The following SPTY2D1 variants were observed in gnomAD, a reference collection of about 807,000 sequenced individuals.
SPTY2D1 encodes the protein protein SPT2 homolog.
In SPTY2D1, 21 loss-of-function variants were observed where a neutral mutation model predicts 64.0. The observed-to-expected ratio is 0.33, with a 90% CI of 0.23 to 0.47. The LOEUF (loss-of-function observed/expected upper bound fraction) is 0.47, where lower values mean the gene tolerates loss of function less well. Among genes scored for constraint, SPTY2D1 ranks in the 20% least tolerant of loss-of-function variants. The probability of loss-of-function intolerance (pLI) is 1.00; values close to 1 mark genes in which losing one functional copy is unlikely to be tolerated. For missense variants in SPTY2D1, 724 were observed against 837.2 expected (o/e 0.86, Z 1.67); for synonymous variants, 287 against 286.8 (o/e 1.00, Z -0.01).
At chr11:18,628,628 T>C (rs1188098719) in intron 1 of SPTY2D1, among the ~76,000 whole-genome samples, 2 of 152,256 alleles carry the variant, frequency 1.3e-5, no homozygotes, top group Non-Finnish European at 2.9e-5. Flanking sequence ...TAGGATTATC[T>C]GTCTGCTTTG....
At chr11:18,621,323 C>CAGAAAAGAAAACAAAAGAAAAGAAA (rs1854392754) in intron 1 of SPTY2D1, among the ~76,000 whole-genome samples, 6 of 137,618 alleles carry the variant, frequency 4.4e-5, no homozygotes, top group Middle Eastern at 3.5e-3. Context: ...TCTCAAAAAA[C>CAGAAAAGAAAACAAAAGAAAAGAAA]AGAAAAGAAA....
intron 5 of SPTY2D1, 124 bp from the exon 6 acceptor site, chr11:18,610,078 G>T: frequency 2.7e-6 from 2 of 753,410 alleles, no homozygotes; most frequent in Non-Finnish European, 4.2e-6. Flanking sequence ...ATGCCTCAAG[G>T]CTTTACCACT....
chr11:18,618,882 T>C (rs1273166371), intron 1 of SPTY2D1, among the ~76,000 whole-genome samples: 1 of 152,168 alleles, frequency 6.6e-6, no homozygotes, highest in Non-Finnish European at 1.5e-5. Flanking sequence ...TCTTGCATGA[T>C]AGCAATGCTG....
chr11:18,606,915 C>T lies in SPTY2D1; in HGVS notation c.*2946G>A. 9.2e-6 allele frequency: 3 copies of T among 324,852 alleles called. No individual in the cohort carries two copies. Among genetic ancestry groups the T allele is most frequent in the South Asian group, 7.4e-5 (3 of 40,402 alleles). The allele number at this position is 324,852 out of a possible 1,614,324, so 20.1% of individuals were successfully genotyped here. A position where few individuals can be genotyped will look rare whatever the true frequency, so the allele number is the denominator to read the frequency against. ...TCGCTCTGTCACCCAGCCTGGAGTGCAGTGGTGCTATCTTGGCTGACTGCA... is the reference window on the plus strand; with the variant it reads ...TCGCTCTGTCACCCAGCCTGGAGTGTAGTGGTGCTATCTTGGCTGACTGCA... On this transcript the variant is annotated 3_prime_UTR_variant, in exon 6 of 6. Transcript: ENST00000336349.
At chr11:18,629,891 C>G (rs1854558286) in intron 1 of SPTY2D1, among the ~76,000 whole-genome samples, 1 of 152,216 alleles carries the variant, frequency 6.6e-6, no homozygotes, top group African/African-American at 2.4e-5. Flanking sequence ...TAAAGCTCTG[C>G]CGGGCACGGT....
At chr11:18,623,927 T>C (rs1854457073) in intron 1 of SPTY2D1, among the ~76,000 whole-genome samples, 1 of 152,248 alleles carries the variant, frequency 6.6e-6, no homozygotes, top group Non-Finnish European at 1.5e-5. Context: ...AGATATACCA[T>C]GCATTATTTT....
In SPTY2D1 at chr11:18,610,101, G is replaced by A. The variant is rs961674106; in HGVS notation, c.1965-147C>T. The A allele has an allele frequency of 1.5e-5, 9 of 586,618 alleles. 1 individual carries two copies. In the South Asian group the frequency reaches 2.4e-4, roughly 16 times the overall value. 36.3% of individuals were successfully genotyped at this position (586,618 alleles called of 1,614,324 possible). Reference sequence around the variant, plus strand: ...AGGCTTTACCACTGAAAACAAACTAGCAGGGATATTTTTTTACCAGGGGCC... The same window carrying A: ...AGGCTTTACCACTGAAAACAAACTAACAGGGATATTTTTTTACCAGGGGCC... On this transcript the variant is annotated intron_variant, in intron 5 of 5. Transcript: ENST00000336349.
chr11:18,618,863 A>T (rs1300312523), intron 1 of SPTY2D1, among the ~76,000 whole-genome samples: 1 of 152,196 alleles, frequency 6.6e-6, no homozygotes, highest in East Asian at 1.9e-4. Flanking sequence ...CTCTAATTCA[A>T]CCTGAAAATC....
chr11:18,620,835 C>T (rs1238726324), intron 1 of SPTY2D1, among the ~76,000 whole-genome samples: 1 of 143,668 alleles, frequency 7.0e-6, no homozygotes, highest in Non-Finnish European at 1.5e-5. Context: ...TGCAGTGAGC[C>T]GAGATCGCGC....
intron 1 of SPTY2D1, among the ~76,000 whole-genome samples, chr11:18,625,336 GTAAATT>G (rs1359769725): frequency 1.1e-4 from 16 of 152,132 alleles, no homozygotes; most frequent in Admixed American, 1.0e-3. Context: ...GGAGTTAAAT[GTAAATT>G]TTACTGTTAT....
chr11:18,612,260 T>C lies in SPTY2D1; in HGVS notation c.1886+54A>G. On this transcript the variant is annotated intron_variant, in intron 4 of 5. Coordinates refer to ENST00000336349, the MANE Select transcript of SPTY2D1 (RefSeq NM_194285.3). The surrounding 1 kb of genome is among the most constrained non-coding windows in gnomAD (Gnocchi z 4.6). ...TTAGTTTATTACCCCATGACATGAA[T>C]TATTCAAAATAAAAAAAGGATGTCA... 1 of 1,432,518 alleles carries C rather than the reference T, an allele frequency of 7.0e-7. No individual in the cohort carries two copies. The highest frequency in any genetic ancestry group is 9.4e-7 in the Non-Finnish European group (1 of 1,059,446). The allele number at this position is 1,432,518 out of a possible 1,614,324, so 88.7% of individuals were successfully genotyped here.
Position 18,609,298 on chromosome 11 carries a change from A to G in SPTY2D1, c.*563T>C, listed in dbSNP as rs1362648602. 2 of 153,050 alleles carry G rather than the reference A, an allele frequency of 1.3e-5. No homozygotes were observed. The highest frequency in any genetic ancestry group is 2.9e-5 in the Non-Finnish European group (2 of 68,404). The allele number at this position is 153,050 out of a possible 1,614,324, so 9.5% of individuals were successfully genotyped here. ...AATCCATGAATACAGAATTTATTCT[A>G]CTTTGTACTTCAAAGTCACAGGATG... On this transcript the variant is annotated 3_prime_UTR_variant, in exon 6 of 6. Transcript: ENST00000336349.
rs1225873971 is a variant in SPTY2D1, at chr11:18,614,949, G to A, written c.1325C>T (p.Ser442Leu). 6.2e-7 allele frequency: 1 copy of A among 1,613,950 alleles called. No individual in the cohort carries two copies. The highest frequency in any genetic ancestry group is 2.2e-5 in the East Asian group (1 of 44,888). Residue 442 changes from serine to leucine, a missense_variant, in exon 3 of 6, where the codon TCA becomes TTA. Physicochemically the swap from Ser to Leu is moderately radical, Grantham distance 145 (BLOSUM62 -2). This residue lies in a region of SPTY2D1 where 426 missense variants were observed against 431.8 expected (regional missense o/e 0.99). Transcript: ENST00000336349. ...TCGPGQPASSSGGPGRPISGS... is the reference protein window; with the variant it reads ...TCGPGQPASSLGGPGRPISGS... ...ACTGATGGGTCGCCCAGGGCCACCT[G>A]AGCTGCTTGCAGGTTGTCCAGGGCC...
In SPTY2D1 at chr11:18,629,245, A is replaced by C. The variant is rs1041229956; in HGVS notation, c.60+4953T>G. The stretch of plus-strand genomic sequence containing the variant: ...GCCCGGTGTGGTGGCTCGCGCCTGT[A>C]ATTCCAGCACTTTGTGAGGCCAAGG... On this transcript the variant is annotated intron_variant, in intron 1 of 5. Coordinates refer to ENST00000336349, the MANE Select transcript of SPTY2D1 (RefSeq NM_194285.3). Among the ~76,000 whole-genome samples the C allele has an allele frequency of 9.8e-5, 15 of 152,318 alleles. No homozygotes were observed. The South Asian group carries it at 2.1e-3, about 21-fold the overall frequency.
At chr11:18,620,435 C>T (rs575566677) in intron 1 of SPTY2D1, among the ~76,000 whole-genome samples, 10 of 152,122 alleles carry the variant, frequency 6.6e-5, no homozygotes, top group South Asian at 2.1e-4. Flanking sequence ...GCCAAGATCA[C>T]GCCACTGCAT....
At chr11:18,619,505 TC>T (rs988016371) in intron 1 of SPTY2D1, among the ~76,000 whole-genome samples, 102 of 146,178 alleles carry the variant, frequency 7.0e-4, no homozygotes, top group African/African-American at 2.2e-3. Flanking sequence ...ACACCTGTAA[TC>T]CCAGAACTTT....
chr11:18,611,576 G>C (rs1030914385), intron 4 of SPTY2D1, 22 bp from the exon 5 acceptor site: 1 of 1,600,152 alleles, frequency 6.2e-7, no homozygotes, highest in African/African-American at 1.3e-5. Flanking sequence ...AAATCAAAAT[G>C]ATAAAAAGAG....
chr11:18,613,793 G>C (rs73424439), intron 3 of SPTY2D1, among the ~76,000 whole-genome samples: 3,215 of 152,240 alleles, frequency 0.021, 45 homozygotes, highest in African/African-American at 0.04. Flanking sequence ...TGGGACAGCA[G>C]ATTCCTGAAG....
rs1330412428 is a variant in SPTY2D1, at chr11:18,609,151, C to T, written c.*710G>A. The T allele has an allele frequency of 2.0e-5, 3 of 152,146 alleles. No individual in the cohort carries two copies. Among genetic ancestry groups the T allele is most frequent in the Non-Finnish European group, 4.4e-5 (3 of 68,022 alleles). The allele number at this position is 152,146 out of a possible 1,614,324, so 9.4% of individuals were successfully genotyped here. A position where few individuals can be genotyped will look rare whatever the true frequency, so the allele number is the denominator to read the frequency against. ...TTGTCTTACACTAAAGCCAACATAA[C>T]AGTAAATCTGAAAGGAAAACTTAGA... On this transcript the variant is annotated 3_prime_UTR_variant, in exon 6 of 6. Coordinates refer to ENST00000336349, the MANE Select transcript of SPTY2D1 (RefSeq NM_194285.3).
Sources: allele counts gnomAD v4.1 joint callset (sites outside exome capture counted in the v4.1 genomes callset), GRCh38; gene constraint gnomAD v4.1.1; regional missense constraint gnomAD v4.1.1; non-coding constraint Gnocchi (gnomAD v3.1); transcripts MANE v1.5; gene names NCBI Gene and HGNC (gene_info 2026-07-23, HGNC 2026-07-21).